Variants in PTPRM observed in about 807,000 individuals in gnomAD.
PTPRM encodes the protein protein tyrosine phosphatase receptor type M, also known as receptor-type tyrosine-protein phosphatase mu.
A neutral mutation model predicts 186.7 loss-of-function variants in PTPRM; 47 were observed. The observed-to-expected ratio is 0.25, with a 90% CI of 0.20 to 0.32. The LOEUF is 0.32. Ranked by LOEUF, PTPRM falls within the 10% of genes least tolerant of loss-of-function variation. The probability of loss-of-function intolerance (pLI) is 1.00; values close to 1 mark genes in which losing one functional copy is unlikely to be tolerated. For synonymous variants in PTPRM, 668 were observed against 674.9 expected, an observed-to-expected ratio of 0.99 and a Z score of 0.16; for missense variants, 1,494 against 1,865.0, an observed-to-expected ratio of 0.80 and a Z score of 3.66.
intron 1 of PTPRM, among the ~76,000 whole-genome samples, chr18:7,704,951 G>A (rs1394227770): frequency 6.6e-6 from 1 of 152,014 alleles, no homozygotes; most frequent in Non-Finnish European, 1.5e-5. Flanking sequence ...AATTATGTGA[G>A]GCCTTTGAAC....
rs1446326423 is a variant in PTPRM, at chr18:8,126,019, A to ATGTTTTT, written c.2167+11193_2167+11194insGTTTTTT. Among the ~76,000 whole-genome samples, 2 of 31,850 alleles carry ATGTTTTT rather than the reference A, an allele frequency of 6.3e-5. 1 individual carries two copies. Among genetic ancestry groups the ATGTTTTT allele is most frequent in the Non-Finnish European group, 1.7e-4 (2 of 12,048 alleles). 20.9% of individuals were successfully genotyped at this position (31,850 alleles called of 152,430 possible). A position where few individuals can be genotyped will look rare whatever the true frequency, so the allele number is the denominator to read the frequency against. Reference sequence around the variant, plus strand: ...TATATATATATATATATATATATATATATATATATTTTAAATCAGTAGACC... The same window carrying ATGTTTTT: ...TATATATATATATATATATATATATATGTTTTTTATATATATTTTAAATCAGTAGACC... On this transcript the variant is annotated intron_variant, in intron 13 of 32. Transcript: ENST00000580170.
At chr18:8,195,152 C>CTTTTT (rs1164451439) in intron 14 of PTPRM, among the ~76,000 whole-genome samples, 1 of 117,064 alleles carries the variant, frequency 8.5e-6, no homozygotes, top group African/African-American at 3.2e-5. Flanking sequence ...CTTAGAAGTT[C>CTTTTT]TTTTTTTTTT....
chr18:8,049,991 A>G (rs2087360764), intron 7 of PTPRM, among the ~76,000 whole-genome samples: 2 of 152,124 alleles, frequency 1.3e-5, no homozygotes, highest in Non-Finnish European at 2.9e-5. Flanking sequence ...GATTACAGGC[A>G]TGAGCCACCA....
At chr18:8,235,456 C>CTTTT (rs58166609) in intron 14 of PTPRM, among the ~76,000 whole-genome samples, 53 of 102,292 alleles carry the variant, frequency 5.2e-4, no homozygotes, top group East Asian at 1.0e-3. Context: ...TCTGTGTCTT[C>CTTTT]TTTTTTTTTT....
At chr18:7,910,820 G>A (rs1384083437) in intron 4 of PTPRM, among the ~76,000 whole-genome samples, 1 of 152,118 alleles carries the variant, frequency 6.6e-6, no homozygotes, top group East Asian at 1.9e-4. Context: ...GTAGTCTCTG[G>A]TCCTTTTGTC....
Position 7,703,182 on chromosome 18 carries a change from GT to G in PTPRM, c.74-70966del, listed in dbSNP as rs369961550. On this transcript the variant is annotated intron_variant, in intron 1 of 32. Coordinates refer to ENST00000580170, the MANE Select transcript of PTPRM (RefSeq NM_001105244.2). ...TTTTTGGTTCCATATGAAATTTGAA[GT>G]ATTTTTTTTCTAATTTTGTGAAGAA... Among the ~76,000 whole-genome samples, 68 of 152,248 alleles carry G rather than the reference GT, an allele frequency of 4.5e-4. No individual in the cohort carries two copies. The East Asian group carries it at 0.012, about 26-fold the overall frequency.
At chr18:7,681,797 C>T (rs537744820) in intron 1 of PTPRM, among the ~76,000 whole-genome samples, 2 of 152,112 alleles carry the variant, frequency 1.3e-5, no homozygotes, top group Non-Finnish European at 1.5e-5. Flanking sequence ...GTGGTCTTCT[C>T]ATACCTATGG....
intron 2 of PTPRM, among the ~76,000 whole-genome samples, chr18:7,878,768 T>A (rs1327111967): frequency 2.6e-5 from 4 of 152,174 alleles, no homozygotes; most frequent in African/African-American, 9.6e-5. Context: ...AAAAGGTTTC[T>A]GAATCAACAC....
At chr18:7,905,521 A>C (rs567258318) in intron 3 of PTPRM, among the ~76,000 whole-genome samples, 7 of 152,024 alleles carry the variant, frequency 4.6e-5, no homozygotes, top group Non-Finnish European at 1.0e-4. Flanking sequence ...TATTCTCTTC[A>C]CTGCATTATT....
chr18:8,031,733 T>A (rs60767363), intron 7 of PTPRM, among the ~76,000 whole-genome samples: 3,117 of 152,162 alleles, frequency 0.02, 100 homozygotes, highest in African/African-American at 0.072. Flanking sequence ...GATATGACGG[T>A]TGCTGTAATA....
chr18:8,076,817 A>T (rs1287749471), intron 9 of PTPRM, among the ~76,000 whole-genome samples: 1 of 152,166 alleles, frequency 6.6e-6, no homozygotes. Flanking sequence ...AAGACACAGC[A>T]TTACATTTAA....
intron 1 of PTPRM, among the ~76,000 whole-genome samples, chr18:7,681,462 GT>G (rs2039478741): frequency 6.6e-6 from 1 of 151,960 alleles, no homozygotes; most frequent in African/African-American, 2.4e-5. Context: ...TGTCGGGGCT[GT>G]TACACGGGCC....
intron 1 of PTPRM, among the ~76,000 whole-genome samples, chr18:7,767,639 G>A (rs554743615): frequency 6.6e-6 from 1 of 152,180 alleles, no homozygotes; most frequent in South Asian, 2.1e-4. Context: ...CATTATGCAA[G>A]TGACAATATT....
At chr18:8,252,695 T>A (rs879080529) in intron 18 of PTPRM, among the ~76,000 whole-genome samples, 196 bp downstream of exon 18, 2 of 152,236 alleles carry the variant, frequency 1.3e-5, no homozygotes, top group South Asian at 4.1e-4. Flanking sequence ...GCAAAGTGAT[T>A]CATCAAAATG....
chr18:8,016,491 T>C (rs1402767346), intron 7 of PTPRM, among the ~76,000 whole-genome samples: 2 of 137,996 alleles, frequency 1.4e-5, no homozygotes, highest in Non-Finnish European at 3.0e-5. Flanking sequence ...CAAGATTGCA[T>C]CACTGCACTC....
At chr18:7,754,964 G>A (rs777352047) in intron 1 of PTPRM, 4 of 152,286 alleles carry the variant, frequency 2.6e-5, no homozygotes, top group Non-Finnish European at 4.4e-5. Context: ...CCGTGTTCCT[G>A]AGCAGACTGT....
chr18:7,962,126 G>A (rs1396044539), intron 7 of PTPRM, among the ~76,000 whole-genome samples: 2 of 152,102 alleles, frequency 1.3e-5, no homozygotes, highest in African/African-American at 4.8e-5. Flanking sequence ...ATGCAGTTTT[G>A]TGAATCTCCT....
chr18:7,985,674 A>G (rs938976864), intron 7 of PTPRM, among the ~76,000 whole-genome samples: 2 of 150,918 alleles, frequency 1.3e-5, no homozygotes, highest in African/African-American at 2.4e-5. Flanking sequence ...ATGTATATGT[A>G]TATATGGGGT....
At chr18:7,728,431 C>T (rs1225191128) in intron 1 of PTPRM, among the ~76,000 whole-genome samples, 2 of 151,838 alleles carry the variant, frequency 1.3e-5, no homozygotes, top group Non-Finnish European at 2.9e-5. Flanking sequence ...GGCCACCATA[C>T]AGGAGCTGAA....
Sources: gnomAD v4.1 joint callset for allele counts (sites outside exome capture counted in the v4.1 genomes callset) on GRCh38, gnomAD v4.1.1 for gene constraint, MANE v1.5 for transcripts, NCBI Gene and HGNC (gene_info 2026-07-23, HGNC 2026-07-21) for gene names.